The following ELMO3 variants were observed in gnomAD, a reference collection of about 807,000 sequenced individuals.
ELMO3 encodes the protein engulfment and cell motility protein 3.
A neutral mutation model predicts 89.0 loss-of-function variants in ELMO3; 81 were observed. That is an observed-to-expected ratio of 0.91 (90% CI 0.76 to 1.09). The LOEUF is 1.09. Ranked by LOEUF, ELMO3 falls within the 50% of genes least tolerant of loss-of-function variation. ELMO3 has a pLI of 0.00. For synonymous variants in ELMO3, 406 were observed against 400.6 expected, an observed-to-expected ratio of 1.01 and a Z score of -0.16; for missense variants, 959 against 972.8, an observed-to-expected ratio of 0.99 and a Z score of 0.19.
In ELMO3 at chr16:67,202,015, C is replaced by G; in HGVS notation, c.1089C>G (p.Pro363=). The part of the protein sequence containing the change: ...NPAQDLERVP[P]GLLALDNMLY... ...CACAGGACCTGGAGCGCGTGCCCCC[C>G]GGTCTGCTGGCCCTGGACAACATGT... is the stretch of plus-strand genomic sequence containing the variant. The change falls in exon 12 of 20, where the codon CCC becomes CCG. Residue 363 remains proline, a synonymous_variant. Coordinates refer to ENST00000393997, the MANE Select transcript of ELMO3 (RefSeq NM_024712.5). 6.4e-7 allele frequency: 1 copy of G among 1,570,806 alleles called. No homozygotes were observed. Among genetic ancestry groups the G allele is most frequent in the Non-Finnish European group, 8.7e-7 (1 of 1,154,040 alleles).
rs756925029 is a variant in ELMO3 at position 67,203,615 on chromosome 16, G to A, written c.1950+32G>A. On this transcript the variant is annotated intron_variant, in intron 19 of 19. Transcript: ENST00000393997. This position sits in a 1 kb window ranked among gnomAD's most constrained non-coding sequence, Gnocchi z 4.6. The stretch of plus-strand genomic sequence containing the variant: ...GTCCGCCAGGCTGAGGTCGGCAGGT[G>A]GGCAGGGGAGGCAGATGGGCAGACC... 1 of 1,613,968 alleles carries A rather than the reference G, an allele frequency of 6.2e-7. No homozygotes were observed. Among genetic ancestry groups the A allele is most frequent in the Non-Finnish European group, 8.5e-7 (1 of 1,180,010 alleles).
At chr16:67,201,290 C>G in intron 8 of ELMO3, 95 bp from the exon 9 acceptor site, 11 of 1,545,304 alleles carry the variant, frequency 7.1e-6, no homozygotes, top group African/African-American at 1.4e-5. Context: ...ATCTCCTGAC[C>G]TCGTGATCCG....
Position 67,200,377 on chromosome 16 carries a change from T to G in ELMO3, c.413+16T>G. Reference sequence around the variant, plus strand: ...ATGGGGACGAGTGAGCACAGGGATGTGTGGGCTGGGGGAGATGGTGGGTCT... The same window carrying G: ...ATGGGGACGAGTGAGCACAGGGATGGGTGGGCTGGGGGAGATGGTGGGTCT... On this transcript the variant is annotated intron_variant, in intron 5 of 19. Transcript: ENST00000393997. 1 of 1,613,062 alleles carries G rather than the reference T, an allele frequency of 6.2e-7. No individual in the cohort carries two copies. The highest frequency in any genetic ancestry group is 8.5e-7 in the Non-Finnish European group (1 of 1,179,422).
intron 8 of ELMO3, 30 bp from the exon 9 acceptor site, chr16:67,201,355 C>T (rs148722552): frequency 1.7e-4 from 281 of 1,613,432 alleles, no homozygotes; most frequent in Non-Finnish European, 2.2e-4. Context: ...CCGCGCCCAG[C>T]CTAAGCCCCC....
chr16:67,201,384 G>T lies in ELMO3; in HGVS notation c.745-1G>T. ...AGCCCCCTTTCTTTCTACCCCCTCA[G>T]CACATGCTTGACTATCTTTGGCAGA... On this transcript the variant is annotated splice_acceptor_variant, in intron 8 of 19. Transcript: ENST00000393997. LOFTEE classifies it high-confidence loss of function. 1 of 1,613,856 alleles carries T rather than the reference G, an allele frequency of 6.2e-7. No individual in the cohort carries two copies. Among genetic ancestry groups the T allele is most frequent in the Non-Finnish European group, 8.5e-7 (1 of 1,179,978 alleles).
chr16:67,203,235 A>C lies in ELMO3; in HGVS notation c.1780+12A>C, dbSNP rs774923507. On this transcript the variant is annotated intron_variant, in intron 17 of 19. Transcript: ENST00000393997. The surrounding 1 kb of genome is among the most constrained non-coding windows in gnomAD (Gnocchi z 4.6). ...TCTGCCCGAGCAACGTAAGGCGGGC[A>C]GGGGCGGGGGCCAGATACCTGCTCT... The C allele has an allele frequency of 1.1e-5, 18 of 1,600,560 alleles. No homozygotes were observed. Among genetic ancestry groups the C allele is most frequent in the Middle Eastern group, 1.7e-4 (1 of 6,058 alleles).
In ELMO3 at chr16:67,201,574, G is replaced by T; in HGVS notation, c.850G>T (p.Val284Leu). Residue 284 changes from valine to leucine, a missense_variant, in exon 10 of 20, where the codon GTA (valine) becomes TTA (leucine). By Grantham distance (32) the Val-to-Leu change is conservative (BLOSUM62 1). Transcript: ENST00000393997. ...CGACGAGATGGCTCATCACCTGTACGTACTGCAGGCTCTCATGCTGGGGCT... is the reference window on the plus strand; with the variant it reads ...CGACGAGATGGCTCATCACCTGTACTTACTGCAGGCTCTCATGCTGGGGCT... ...MGDEMAHHLY[V>L]LQALMLGLLE... 6.2e-7 allele frequency: 1 copy of T among 1,613,986 alleles called. No homozygotes were observed.
Position 67,203,542 on chromosome 16 carries a change from G to A in ELMO3, c.1909G>A (p.Glu637Lys). Residue 637 changes from glutamate to lysine, a missense_variant, in exon 19 of 20, where the codon GAG (glutamate) becomes AAG (lysine). By Grantham distance (56) the Glu-to-Lys change is moderately conservative. Transcript: ENST00000393997. The surrounding 1 kb of genome is among the most constrained non-coding windows in gnomAD (Gnocchi z 4.6). ...AFSISYDRGE[E>K]EAYLNFIAPS... ...CTCAATCAGCTATGACCGTGGGGAG[G>A]AGGAAGCGTACCTCAACTTCATTGC... The A allele has an allele frequency of 6.2e-7, 1 of 1,614,096 alleles. No individual in the cohort carries two copies. The highest frequency in any genetic ancestry group is 8.5e-7 in the Non-Finnish European group (1 of 1,180,002).
intron 8 of ELMO3, 28 bp downstream of exon 8, chr16:67,200,996 GGCAGCACCC>G: frequency 6.3e-7 from 1 of 1,575,664 alleles, no homozygotes; most frequent in South Asian, 1.2e-5. Context: ...GCTAGATGGG[GGCAGCACCC>G]GGTGGGCGCT....
chr16:67,203,307 G>A lies in ELMO3; in HGVS notation c.1781-20G>A. On this transcript the variant is annotated intron_variant, in intron 17 of 19. Coordinates refer to ENST00000393997, the MANE Select transcript of ELMO3 (RefSeq NM_024712.5). The surrounding 1 kb of genome is among the most constrained non-coding windows in gnomAD (Gnocchi z 4.6). The stretch of plus-strand genomic sequence containing the variant: ...GGGGCTGCCAGGGCTGCAGTGCTCA[G>A]CCCAGCCTTCTTCCTGCAGTCCCTG... The A allele has an allele frequency of 6.3e-7, 1 of 1,592,148 alleles. No individual in the cohort carries two copies. Among genetic ancestry groups the A allele is most frequent in the Non-Finnish European group, 8.5e-7 (1 of 1,172,720 alleles).
chr16:67,203,589 T>C lies in ELMO3; in HGVS notation c.1950+6T>C. Reference sequence around the variant, plus strand: ...TTGCCCCCTCCAAGCGGGAGGTGAGTGTCCGCCAGGCTGAGGTCGGCAGGT... The same window carrying C: ...TTGCCCCCTCCAAGCGGGAGGTGAGCGTCCGCCAGGCTGAGGTCGGCAGGT... On this transcript the variant is annotated splice_donor_region_variant and intron_variant, in intron 19 of 19. Transcript: ENST00000393997. This position sits in a 1 kb window ranked among gnomAD's most constrained non-coding sequence, Gnocchi z 4.6. The C allele has an allele frequency of 6.2e-7, 1 of 1,613,500 alleles. No individual in the cohort carries two copies. Among genetic ancestry groups the C allele is most frequent in the Non-Finnish European group, 8.5e-7 (1 of 1,179,864 alleles).
At position 67,202,935 on chromosome 16, in the gene ELMO3, C is replaced by G. The variant is rs760280102; in HGVS notation, c.1606C>G (p.Arg536Gly). Residue 536 changes from arginine (R) to glycine (G), a missense_variant, in exon 16 of 20, where the codon CGC becomes GGC. By Grantham distance (125) the Arg-to-Gly change is moderately radical (BLOSUM62 -2). Coordinates refer to ENST00000393997, the MANE Select transcript of ELMO3 (RefSeq NM_024712.5). ...GAAGCCAGAGCTCATGGGCCTGATC[C>G]GCCAGCAGCGCTTGCTCCGCCTCTG... The part of the protein sequence containing the change: ...KLKPELMGLI[R>G]QQRLLRLCEG... 6.2e-7 allele frequency: 1 copy of G among 1,610,622 alleles called. No homozygotes were observed. The highest frequency in any genetic ancestry group is 8.5e-7 in the Non-Finnish European group (1 of 1,179,924).
chr16:67,203,795 C>T lies in ELMO3; in HGVS notation c.2081C>T (p.Pro694Leu). ...CGTCTGCTGGAGCTGGAGAACGTGC[C>T]CATCCCCGAGCGGCCACCCCCTGTG... ...KLRLLELENV[P>L]IPERPPPVPP... The change falls in exon 20 of 20, where the codon CCC becomes CTC. Residue 694 changes from proline (P) to leucine (L), a missense_variant. Coordinates refer to ENST00000393997, the MANE Select transcript of ELMO3 (RefSeq NM_024712.5). The surrounding 1 kb of genome is among the most constrained non-coding windows in gnomAD (Gnocchi z 4.6). The T allele has an allele frequency of 6.2e-7, 1 of 1,612,502 alleles. No individual in the cohort carries two copies. Among genetic ancestry groups the T allele is most frequent in the Non-Finnish European group, 8.5e-7 (1 of 1,179,768 alleles).
At position 67,200,302 on chromosome 16, in the gene ELMO3, G is replaced by A. The variant is rs942162562; in HGVS notation, c.354G>A (p.Arg118=). 13 of 1,613,888 alleles carry A rather than the reference G, an allele frequency of 8.1e-6. No homozygotes were observed. The highest frequency in any genetic ancestry group is 1.0e-5 in the Non-Finnish European group (12 of 1,180,042). ...VPLASDMIFA[R]EVISRNGLQI... ...TGGCCTCGGACATGATCTTTGCCAG[G>A]GAGGTCATCAGCCGTAATGGGCTCC... Residue 118 remains arginine, a synonymous_variant, in exon 5 of 20, where the codon AGG becomes AGA. Coordinates refer to ENST00000393997, the MANE Select transcript of ELMO3 (RefSeq NM_024712.5).
rs201855009 is a variant in ELMO3 at position 67,199,755 on chromosome 16, A to G, written c.191A>G (p.Asn64Ser). Residue 64 changes from asparagine to serine, a missense_variant and splice_region_variant, in exon 3 of 20, where the codon AAT becomes AGT. Physicochemically the swap from Asn to Ser is conservative, Grantham distance 46 (BLOSUM62 1). Coordinates refer to ENST00000393997, the MANE Select transcript of ELMO3 (RefSeq NM_024712.5). ...GGGCACCGGAGATACATCACCGAGA[A>G]TGTGAGTCCCCTCTCCCCAGCCCCA... The part of the protein sequence containing the change: ...ADGHRRYITE[N>S]NRAEIKNGSI... 742 of 1,610,972 alleles carry G rather than the reference A, an allele frequency of 4.6e-4. No individual in the cohort carries two copies. Among genetic ancestry groups the G allele is most frequent in the Non-Finnish European group, 6.0e-4 (708 of 1,179,566 alleles).
At chr16:67,199,634 C>T (rs764816614) in intron 2 of ELMO3, 41 bp downstream of exon 2, 3 of 1,608,056 alleles carry the variant, frequency 1.9e-6, no homozygotes, top group Admixed American at 1.7e-5. Context: ...GGCGGGAGGG[C>T]AGGAGGGGCG....
At chr16:67,200,858 G>T in intron 7 of ELMO3, 32 bp from the exon 8 acceptor site, 2 of 1,613,674 alleles carry the variant, frequency 1.2e-6, no homozygotes, top group Non-Finnish European at 8.5e-7. Flanking sequence ...GCTGGAGCCT[G>T]AATGTTCCAC....
At position 67,203,538 on chromosome 16, in the gene ELMO3, G is replaced by A; in HGVS notation, c.1905G>A (p.Gly635=). The change falls in exon 19 of 20, where the codon GGG becomes GGA. Residue 635 remains glycine (G), a synonymous_variant. Transcript: ENST00000393997. The surrounding 1 kb of genome is among the most constrained non-coding windows in gnomAD (Gnocchi z 4.6). ...CCTTCTCAATCAGCTATGACCGTGG[G>A]GAGGAGGAAGCGTACCTCAACTTCA... ...ELAFSISYDR[G]EEEAYLNFIA... 1.9e-6 allele frequency: 3 copies of A among 1,614,078 alleles called. No individual in the cohort carries two copies. The highest frequency in any genetic ancestry group is 1.3e-5 in the African/African-American group (1 of 75,028).
intron 1 of ELMO3, 65 bp from the exon 2 acceptor site, chr16:67,199,488 C>A: frequency 6.4e-7 from 1 of 1,552,186 alleles, no homozygotes; most frequent in Admixed American, 1.8e-5. Flanking sequence ...CCGCCCCACC[C>A]CTCCCCCCAG....
Sources: allele counts gnomAD v4.1 joint callset, GRCh38; gene constraint gnomAD v4.1.1; non-coding constraint Gnocchi (gnomAD v3.1); transcripts MANE v1.5; gene names NCBI Gene and HGNC (gene_info 2026-07-23, HGNC 2026-07-21).